Variants in KIF18A observed in about 807,000 individuals in gnomAD.
KIF18A encodes the protein kinesin-like protein KIF18A.
A neutral mutation model predicts 103.3 loss-of-function variants in KIF18A; 67 were observed. That is an observed-to-expected ratio of 0.65 (90% confidence interval 0.53 to 0.79). The LOEUF (loss-of-function observed/expected upper bound fraction) is 0.79. Among genes scored for constraint, KIF18A ranks in the 30% least tolerant of loss-of-function variants. The probability of loss-of-function intolerance (pLI) is 0.00; values close to 1 mark genes in which losing one functional copy is unlikely to be tolerated. For missense variants in KIF18A, 1,032 were observed against 1,062.5 expected, an observed-to-expected ratio of 0.97 and a Z score of 0.40; for synonymous variants, 367 against 355.5, an observed-to-expected ratio of 1.03 and a Z score of -0.36.
intron 10 of KIF18A, among the ~76,000 whole-genome samples, chr11:28,071,248 G>T (rs1851009278): frequency 6.6e-6 from 1 of 152,112 alleles, no homozygotes; most frequent in South Asian, 2.1e-4. Flanking sequence ...ACAGTTAGTT[G>T]CACAGTAGTT....
rs142577501 is a variant in KIF18A at position 28,035,400 on chromosome 11, G to A, written c.2491C>T (p.Arg831Trp). The A allele has an allele frequency of 3.1e-5, 50 of 1,591,684 alleles. No homozygotes were observed. Among genetic ancestry groups the A allele is most frequent in the South Asian group, 1.5e-4 (13 of 87,376 alleles). Residue 831 changes from arginine to tryptophan, a missense_variant, in exon 15 of 17, where the codon CGG becomes TGG. By Grantham distance (101) the Arg-to-Trp change is moderately radical (BLOSUM62 -3). Transcript: ENST00000263181. ...MAMTTAAKRK[R>W]KLTSSTSNSS... is the part of the protein sequence containing the mutation. ...GTTTAATCATACCTTGTTAATTTCC[G>A]TTTCCTTTTGGCAGCAGTAGTCATT...
At chr11:28,064,465 ATCTC>A (rs1850892346) in intron 11 of KIF18A, among the ~76,000 whole-genome samples, 2 of 152,158 alleles carry the variant, frequency 1.3e-5, no homozygotes, top group African/African-American at 4.8e-5. Flanking sequence ...CTTTAAAAAA[ATCTC>A]TCCTTATAGC....
chr11:28,058,860 A>C (rs1850820156), intron 13 of KIF18A, 66 bp downstream of exon 13: 1 of 1,174,574 alleles, frequency 8.5e-7, no homozygotes, highest in Non-Finnish European at 1.3e-6. Flanking sequence ...TGTTCTATAG[A>C]TTGATATACA....
At chr11:28,086,709 C>CA (rs1851233620) in intron 6 of KIF18A, among the ~76,000 whole-genome samples, 1 of 152,178 alleles carries the variant, frequency 6.6e-6, no homozygotes, top group Admixed American at 6.5e-5. Flanking sequence ...CTTTCCCAAA[C>CA]AGTGTGAAAT....
At chr11:28,078,993 T>C (rs1450596206) in intron 9 of KIF18A, among the ~76,000 whole-genome samples, 1 of 152,078 alleles carries the variant, frequency 6.6e-6, no homozygotes, top group Non-Finnish European at 1.5e-5. Flanking sequence ...TCTTCATAAA[T>C]ACAAGTAAGT....
chr11:28,063,191 C>G lies in KIF18A; in HGVS notation c.1591-675G>C, dbSNP rs191428941. ...GAGATGGGCTTATAAGGCCTTGAAA[C>G]AAATGCTACCTTAAGTTGAATATAC... On this transcript the variant is annotated intron_variant, in intron 11 of 16. Coordinates refer to ENST00000263181, the MANE Select transcript of KIF18A (RefSeq NM_031217.4). Among the ~76,000 whole-genome samples, 534 of 152,112 alleles carry G rather than the reference C, an allele frequency of 3.5e-3. 10 individuals are homozygous for G. The highest frequency in any genetic ancestry group is 1.1e-3 in the Non-Finnish European group (73 of 67,940).
chr11:28,026,056 A>G (rs1382785742), intron 15 of KIF18A, among the ~76,000 whole-genome samples: 2 of 151,890 alleles, frequency 1.3e-5, no homozygotes, highest in Non-Finnish European at 2.9e-5. Context: ...TCTGATTAAT[A>G]TAATTGAGAA....
chr11:28,086,721 T>C (rs559267877), intron 6 of KIF18A, among the ~76,000 whole-genome samples: 8 of 152,338 alleles, frequency 5.3e-5, no homozygotes, highest in South Asian at 4.1e-4. Flanking sequence ...GTGTGAAATA[T>C]GCACTGCTGG....
At chr11:28,037,924 C>G (rs557947477) in intron 13 of KIF18A, among the ~76,000 whole-genome samples, 1 of 151,606 alleles carries the variant, frequency 6.6e-6, no homozygotes, top group South Asian at 2.1e-4. Flanking sequence ...CTCTAGTTGC[C>G]TTGTTCTACA....
At chr11:28,058,557 G>A (rs1400722077) in intron 13 of KIF18A, among the ~76,000 whole-genome samples, 1 of 145,082 alleles carries the variant, frequency 6.9e-6, no homozygotes, top group Non-Finnish European at 1.5e-5. Context: ...AGCTACTTGT[G>A]GGGCTGAAGT....
intron 12 of KIF18A, among the ~76,000 whole-genome samples, chr11:28,060,758 A>C (rs1182138231): frequency 2.0e-5 from 3 of 152,192 alleles, no homozygotes; most frequent in Non-Finnish European, 4.4e-5. Context: ...ATGCTAAAAC[A>C]CCTTCTCTCC....
At chr11:28,047,077 A>G (rs1422345215) in intron 13 of KIF18A, among the ~76,000 whole-genome samples, 2 of 151,060 alleles carry the variant, frequency 1.3e-5, no homozygotes, top group Admixed American at 6.6e-5. Flanking sequence ...AAAAAAAAAA[A>G]AGAGAAAGAA....
intron 7 of KIF18A, among the ~76,000 whole-genome samples, chr11:28,083,463 A>G (rs893283292): frequency 2.0e-5 from 3 of 152,142 alleles, no homozygotes; most frequent in African/African-American, 7.2e-5. Context: ...GGTATTTATA[A>G]GCATGTAATT....
Position 28,036,303 on chromosome 11 carries a change from A to T in KIF18A, c.2310T>A (p.Phe770Leu). 1 of 1,610,640 alleles carries T rather than the reference A, an allele frequency of 6.2e-7. No individual in the cohort carries two copies. Among genetic ancestry groups the T allele is most frequent in the Non-Finnish European group, 8.5e-7 (1 of 1,177,840 alleles). Reference sequence around the variant, plus strand: ...AGCTCTTGATGTCTTCACATATAGTAAATGTAGAGTCCAAGTCCTCCTGTC... The same window carrying T: ...AGCTCTTGATGTCTTCACATATAGTTAATGTAGAGTCCAAGTCCTCCTGTC... ...ECGQEDLDST[F>L]TICEDIKSSK... The change falls in exon 14 of 17, where the codon TTT becomes TTA. Residue 770 changes from phenylalanine (F) to leucine (L), a missense_variant. Phe to Leu is a conservative substitution (Grantham distance 22). Transcript: ENST00000263181.
intron 15 of KIF18A, among the ~76,000 whole-genome samples, chr11:28,025,715 C>G (rs1164021537): frequency 1.3e-5 from 2 of 151,880 alleles, no homozygotes; most frequent in African/African-American, 4.8e-5. Flanking sequence ...ACTACAAAGA[C>G]TTAAAACTGA....
chr11:28,065,256 T>G (rs1009605012), intron 11 of KIF18A, among the ~76,000 whole-genome samples: 1 of 152,032 alleles, frequency 6.6e-6, no homozygotes, highest in Non-Finnish European at 1.5e-5. Context: ...TATCGTAAAG[T>G]TATGTCTCAA....
rs1013537170 is a variant in KIF18A at position 28,098,059 on chromosome 11, GT to G, written c.-46-67del. 9.1e-4 allele frequency: 718 copies of G among 789,170 alleles called. 5 individuals carry two copies. In the African/African-American group the frequency reaches 0.012, roughly 13 times the overall value. 48.9% of individuals were successfully genotyped at this position (789,170 alleles called of 1,614,324 possible). A position where few individuals can be genotyped will look rare whatever the true frequency, so the allele number is the denominator to read the frequency against. On this transcript the variant is annotated intron_variant, in intron 1 of 16. Transcript: ENST00000263181. ...TACTTTCATGCAAAACAACTGGCAT[GT>G]AGTATTCATTCAAAAAAGATGTTAA...
intron 13 of KIF18A, among the ~76,000 whole-genome samples, chr11:28,050,007 G>A (rs1356207421): frequency 6.6e-6 from 1 of 151,828 alleles, no homozygotes; most frequent in Non-Finnish European, 1.5e-5. Context: ...GGTTAGGGAT[G>A]TATAATAGTT....
Position 28,056,542 on chromosome 11 carries a change from G to A in KIF18A, c.1948+2384C>T, listed in dbSNP as rs140061021. 5.9e-5 allele frequency among the ~76,000 whole-genome samples: 9 copies of A among 152,056 alleles called. No homozygotes were observed. The East Asian group carries it at 1.6e-3, about 26-fold the overall frequency. On this transcript the variant is annotated intron_variant, in intron 13 of 16. Coordinates refer to ENST00000263181, the MANE Select transcript of KIF18A (RefSeq NM_031217.4). ...CAAAAGTGACAAAAGCAATAGGTGAGGAGATAATGGTTAAGAATTTTCCAA... is the reference window on the plus strand; with the variant it reads ...CAAAAGTGACAAAAGCAATAGGTGAAGAGATAATGGTTAAGAATTTTCCAA...
Sources: gnomAD v4.1 joint callset for allele counts (sites outside exome capture counted in the v4.1 genomes callset) on GRCh38, gnomAD v4.1.1 for gene constraint, MANE v1.5 for transcripts, NCBI Gene and HGNC (gene_info 2026-07-23, HGNC 2026-07-21) for gene names.